The following JMJD7 variants were observed in gnomAD, a reference collection of about 807,000 sequenced individuals.
The protein encoded by JMJD7 is jumonji domain containing 7, also known as bifunctional peptidase and (3S)-lysyl hydroxylase JMJD7.
Under a neutral mutation model 41.1 loss-of-function variants are expected in JMJD7, and 41 were observed. The ratio of observed to expected loss-of-function variants is 1.00; its 90% CI spans 0.78 to 1.30. The LOEUF (loss-of-function observed/expected upper bound fraction) is 1.30. JMJD7 is among the 50% of genes most tolerant of loss of function. The pLI is 0.00. For synonymous variants in JMJD7, 202 were observed against 177.2 expected (o/e 1.14, Z -1.11); for missense variants, 480 against 420.7 (o/e 1.14, Z -1.23).
At chr15:41,837,007 G>C in intron 7 of JMJD7, 61 bp from the exon 8 acceptor site, 2 of 1,609,672 alleles carry the variant, frequency 1.2e-6, no homozygotes, top group Non-Finnish European at 1.7e-6. Context: ...CTGGGGGGAG[G>C]CTTGGGAGGC....
Position 41,836,130 on chromosome 15 carries a change from CCTT to C in JMJD7, c.530-14_530-12del. The C allele has an allele frequency of 6.3e-7, 1 of 1,575,644 alleles. No homozygotes were observed. Among genetic ancestry groups the C allele is most frequent in the Non-Finnish European group, 8.6e-7 (1 of 1,158,380 alleles). ...CTGCCCTCCATACCCTGCCCCCGGGCCTTCTTTCTGTTGGCAGTGCACAAGGAC... is the reference window on the plus strand; with the variant it reads ...CTGCCCTCCATACCCTGCCCCCGGGCCTTTCTGTTGGCAGTGCACAAGGAC... On this transcript the variant is annotated splice_polypyrimidine_tract_variant and intron_variant, in intron 4 of 7. Coordinates refer to ENST00000397299, the MANE Select transcript of JMJD7 (RefSeq NM_001114632.2).
intron 1 of JMJD7, among the ~76,000 whole-genome samples, chr15:41,832,231 C>G (rs1486581415): frequency 6.6e-6 from 1 of 152,238 alleles, no homozygotes; most frequent in African/African-American, 2.4e-5. Context: ...CCCACTCGCC[C>G]TTGGCAGGTG....
At chr15:41,834,048 C>A in intron 1 of JMJD7, among the ~76,000 whole-genome samples, 1 of 152,274 alleles carries the variant, frequency 6.6e-6, no homozygotes, top group South Asian at 2.1e-4. Flanking sequence ...TAGACCCCTG[C>A]GCAGGCGGCA....
chr15:41,836,059 T>TG, intron 4 of JMJD7, 89 bp from the exon 5 acceptor site: 1 of 1,371,466 alleles, frequency 7.3e-7, no homozygotes, highest in Non-Finnish European at 9.9e-7. Context: ...TAGGACGTCT[T>TG]GGGGTGCAGG....
rs1482136473 is a variant in JMJD7, at chr15:41,837,120, G to A, written c.915G>A (p.Leu305=). Residue 305 remains leucine (L), a synonymous_variant, in exon 8 of 8, where the codon CTG becomes CTA. Coordinates refer to ENST00000397299, the MANE Select transcript of JMJD7 (RefSeq NM_001114632.2). ...EYDLKYSYFQ[L]LDSLTKASGL... is the part of the protein sequence containing the mutation. ...ACCTCAAGTATAGTTACTTCCAGCT[G>A]CTCGACTCCCTCACCAAGGCTTCAG... The A allele has an allele frequency of 6.2e-7, 1 of 1,613,356 alleles. No homozygotes were observed. The highest frequency in any genetic ancestry group is 1.3e-5 in the African/African-American group (1 of 74,922).
Position 41,837,524 on chromosome 15 carries a change from C to T in JMJD7, c.*368C>T, listed in dbSNP as rs1253987046. 2 of 257,754 alleles carry T rather than the reference C, an allele frequency of 7.8e-6. No individual in the cohort carries two copies. Among genetic ancestry groups the T allele is most frequent in the East Asian group, 8.8e-5 (1 of 11,320 alleles). 16.0% of individuals were successfully genotyped at this position (257,754 alleles called of 1,614,324 possible). On this transcript the variant is annotated 3_prime_UTR_variant, in exon 8 of 8. Coordinates refer to ENST00000397299, the MANE Select transcript of JMJD7 (RefSeq NM_001114632.2). ...GCTGTTGTGGGCTTGGAGATGATGT[C>T]TATGAGGACCAGCATGGAGCTGGCA...
At chr15:41,831,453 A>G (rs1301214130) in intron 1 of JMJD7, among the ~76,000 whole-genome samples, 1 of 152,378 alleles carries the variant, frequency 6.6e-6, no homozygotes, top group South Asian at 2.1e-4. Flanking sequence ...AGAGGTGAAC[A>G]TCAGTGCCGG....
At chr15:41,834,229 G>A (rs2056311726) in intron 1 of JMJD7, among the ~76,000 whole-genome samples, 2 of 152,196 alleles carry the variant, frequency 1.3e-5, no homozygotes. Flanking sequence ...TGATGATTGT[G>A]TCATCCCTGA....
At chr15:41,833,405 T>TATATATAC (rs1201570259) in intron 1 of JMJD7, among the ~76,000 whole-genome samples, 1 of 51,204 alleles carries the variant, frequency 2.0e-5, no homozygotes, top group African/African-American at 6.4e-5. Context: ...TATATATATA[T>TATATATAC]ATATATATAT....
chr15:41,828,648 C>T (rs1413021742), intron 1 of JMJD7: 1 of 157,092 alleles, frequency 6.4e-6, no homozygotes, highest in Non-Finnish European at 1.4e-5. Flanking sequence ...CTCCTTCCTT[C>T]TTTTTTCTAT....
chr15:41,836,617 A>G, intron 6 of JMJD7, 66 bp downstream of exon 6: 1 of 1,484,986 alleles, frequency 6.7e-7, no homozygotes, highest in Non-Finnish European at 8.9e-7. Context: ...AAGAACAGGC[A>G]CAAAAGATCT....
chr15:41,833,354 A>G (rs1237095185), intron 1 of JMJD7, among the ~76,000 whole-genome samples: 3 of 146,960 alleles, frequency 2.0e-5, no homozygotes, highest in Admixed American at 1.4e-4. Context: ...CATTCTAGCA[A>G]GGGTGAAAGA....
chr15:41,836,129 G>C lies in JMJD7; in HGVS notation c.530-19G>C. ...CCTGCCCTCCATACCCTGCCCCCGGGCCTTCTTTCTGTTGGCAGTGCACAA... is the reference window on the plus strand; with the variant it reads ...CCTGCCCTCCATACCCTGCCCCCGGCCCTTCTTTCTGTTGGCAGTGCACAA... On this transcript the variant is annotated intron_variant, in intron 4 of 7. Transcript: ENST00000397299. 6.4e-7 allele frequency: 1 copy of C among 1,574,706 alleles called. No homozygotes were observed. The highest frequency in any genetic ancestry group is 8.6e-7 in the Non-Finnish European group (1 of 1,157,808).
At chr15:41,833,326 C>T (rs1012345790) in intron 1 of JMJD7, among the ~76,000 whole-genome samples, 5 of 148,338 alleles carry the variant, frequency 3.4e-5, no homozygotes, top group Non-Finnish European at 7.4e-5. Context: ...ACAACTGTCT[C>T]TGCCCTTGTG....
rs542536911 is a variant in JMJD7, at chr15:41,837,485, C to T, written c.*329C>T. 2 of 370,300 alleles carry T rather than the reference C, an allele frequency of 5.4e-6. No individual in the cohort carries two copies. The highest frequency in any genetic ancestry group is 9.2e-5 in the South Asian group (2 of 21,700). 22.9% of individuals were successfully genotyped at this position (370,300 alleles called of 1,614,324 possible). On this transcript the variant is annotated 3_prime_UTR_variant, in exon 8 of 8. Transcript: ENST00000397299. ...CCTGTCAGTAAAGAGATAATAATGGCTGTACCTCGCGGGGCTGTTGTGGGC... is the reference window on the plus strand; with the variant it reads ...CCTGTCAGTAAAGAGATAATAATGGTTGTACCTCGCGGGGCTGTTGTGGGC...
chr15:41,836,812 C>T lies in JMJD7; in HGVS notation c.734C>T (p.Pro245Leu). Residue 245 changes from proline to leucine, a missense_variant, in exon 7 of 8, where the codon CCA (proline) becomes CTA (leucine). By Grantham distance (98) the Pro-to-Leu change is moderately conservative. Transcript: ENST00000397299. The stretch of plus-strand genomic sequence containing the variant: ...TGGATCCCACTGGACCCCTTGGCGC[C>T]AGACCTAGCACGGTACCCTAGTTAC... ...VPWIPLDPLA[P>L]DLARYPSYSQ... The T allele has an allele frequency of 6.2e-7, 1 of 1,611,850 alleles. No homozygotes were observed. Among genetic ancestry groups the T allele is most frequent in the South Asian group, 1.1e-5 (1 of 90,828 alleles).
At chr15:41,829,968 A>G (rs2065205150) in intron 1 of JMJD7, among the ~76,000 whole-genome samples, 1 of 152,292 alleles carries the variant, frequency 6.6e-6, no homozygotes, top group Middle Eastern at 3.4e-3. Context: ...AGCAGTTTTG[A>G]TGACAGTGGC....
Position 41,837,237 on chromosome 15 carries a change from C to T in JMJD7, c.*81C>T. 4.1e-6 allele frequency: 4 copies of T among 974,758 alleles called. No homozygotes were observed. Among genetic ancestry groups the T allele is most frequent in the Admixed American group, 2.1e-5 (1 of 46,920 alleles). 60.4% of individuals were successfully genotyped at this position (974,758 alleles called of 1,614,324 possible). ...CTGGCCAGGTCAATTCTCGAGAGAG[C>T]CTGGAGTGTGCATGCTGGCTGCTGG... On this transcript the variant is annotated 3_prime_UTR_variant, in exon 8 of 8. Coordinates refer to ENST00000397299, the MANE Select transcript of JMJD7 (RefSeq NM_001114632.2).
intron 1 of JMJD7, among the ~76,000 whole-genome samples, chr15:41,830,263 A>C (rs980255728): frequency 5.3e-4 from 80 of 152,178 alleles, no homozygotes; most frequent in African/African-American, 1.9e-3. Flanking sequence ...TGCACTTGTG[A>C]GTACAAAAAT....
Sources: allele counts gnomAD v4.1 joint callset (sites outside exome capture counted in the v4.1 genomes callset), GRCh38; gene constraint gnomAD v4.1.1; transcripts MANE v1.5; gene names NCBI Gene and HGNC (gene_info 2026-07-23, HGNC 2026-07-21).